The following NEGR1 variants were observed in gnomAD, a reference collection of about 807,000 sequenced individuals.
NEGR1 encodes neuronal growth regulator 1.
In NEGR1, 10 loss-of-function variants were observed where a neutral mutation model predicts 40.9. The ratio of observed to expected loss-of-function variants is 0.24; its 90% CI spans 0.15 to 0.42. The LOEUF (loss-of-function observed/expected upper bound fraction) is 0.42, where lower values mean the gene tolerates loss of function less well. Among genes scored for constraint, NEGR1 ranks in the 10% least tolerant of loss-of-function variants. The pLI is 1.00. For missense variants in NEGR1, 352 were observed against 438.9 expected (o/e 0.80, Z 1.77); for synonymous variants, 185 against 166.8 (o/e 1.11, Z -0.84).
chr1:72,180,239 T>C (rs1193904873), intron 1 of NEGR1, among the ~76,000 whole-genome samples: 2 of 151,984 alleles, frequency 1.3e-5, no homozygotes, highest in Non-Finnish European at 2.9e-5. Context: ...GATAGTTAAC[T>C]AATTATTGAG....
intron 3 of NEGR1, among the ~76,000 whole-genome samples, chr1:71,752,416 C>T (rs1655600195): frequency 6.6e-6 from 1 of 152,012 alleles, no homozygotes; most frequent in South Asian, 2.1e-4. Context: ...TTGTTGACTC[C>T]TGATCTAGAG....
intron 6 of NEGR1, among the ~76,000 whole-genome samples, chr1:71,442,998 G>A (rs144041520): frequency 1.3e-5 from 2 of 152,330 alleles, no homozygotes; most frequent in Non-Finnish European, 2.9e-5. Context: ...CAGTGGTGGA[G>A]GATAAGTGGA....
intron 3 of NEGR1, among the ~76,000 whole-genome samples, chr1:71,746,338 G>C (rs1251126684): frequency 6.6e-6 from 1 of 152,198 alleles, no homozygotes; most frequent in Non-Finnish European, 1.5e-5. Context: ...AGAGGCAAGA[G>C]TTCAAGATTA....
At chr1:71,563,482 A>G (rs1022337639) in intron 6 of NEGR1, among the ~76,000 whole-genome samples, 1 of 152,006 alleles carries the variant, frequency 6.6e-6, no homozygotes, top group African/African-American at 2.4e-5. Flanking sequence ...GGATAATTCA[A>G]AATATGCTCC....
intron 4 of NEGR1, among the ~76,000 whole-genome samples, chr1:71,611,530 G>C (rs1288541269): frequency 6.6e-6 from 1 of 152,016 alleles, no homozygotes; most frequent in Non-Finnish European, 1.5e-5. Context: ...TTACATTCTC[G>C]ATTTCCTCAC....
At chr1:72,229,672 G>A (rs2100496067) in intron 1 of NEGR1, among the ~76,000 whole-genome samples, 1 of 151,440 alleles carries the variant, frequency 6.6e-6, no homozygotes, top group East Asian at 1.9e-4. Flanking sequence ...TTTTTGGTAA[G>A]TTGATTTATA....
chr1:71,495,771 TAAGA>T (rs1646959071), intron 6 of NEGR1, among the ~76,000 whole-genome samples: 1 of 152,084 alleles, frequency 6.6e-6, no homozygotes, highest in Admixed American at 6.5e-5. Context: ...TGAAAAAGTA[TAAGA>T]AAGAGAGGAT....
intron 4 of NEGR1, among the ~76,000 whole-genome samples, chr1:71,662,937 A>G (rs2101592210): frequency 6.6e-6 from 1 of 151,516 alleles, no homozygotes; most frequent in Non-Finnish European, 1.5e-5. Flanking sequence ...TACTTCTACC[A>G]GTTTTGTTTT....
chr1:72,229,023 T>C (rs779796416), intron 1 of NEGR1, among the ~76,000 whole-genome samples: 1 of 151,994 alleles, frequency 6.6e-6, no homozygotes, highest in Non-Finnish European at 1.5e-5. Context: ...GTTCCATGCC[T>C]CTCTCTCTCA....
In NEGR1 at chr1:71,407,137, C is replaced by A. The variant is rs1333350728; in HGVS notation, c.*309G>T. 5.1e-6 allele frequency: 1 copy of A among 196,806 alleles called. No homozygotes were observed. The highest frequency in any genetic ancestry group is 1.0e-5 in the Non-Finnish European group (1 of 96,584). 12.2% of individuals were successfully genotyped at this position (196,806 alleles called of 1,614,324 possible). Reference sequence around the variant, plus strand: ...AACTACAGCCTGCAACCTAGCAGACCATGACTGAATGCTTTTGAAAAGTTG... The same window carrying A: ...AACTACAGCCTGCAACCTAGCAGACAATGACTGAATGCTTTTGAAAAGTTG... On this transcript the variant is annotated 3_prime_UTR_variant, in exon 7 of 7. Coordinates refer to ENST00000357731, the MANE Select transcript of NEGR1 (RefSeq NM_173808.3).
In NEGR1 at chr1:71,935,305, A is replaced by G. The variant is rs758785557; in HGVS notation, c.183T>C (p.Tyr61=). The change falls in exon 2 of 7, where the codon TAT becomes TAC. Residue 61 remains tyrosine (Y), a synonymous_variant. Coordinates refer to ENST00000357731, the MANE Select transcript of NEGR1 (RefSeq NM_173808.3). ...RKGDTAVLRC[Y]LEDGASKGAW... is the part of the protein sequence containing the mutation. The stretch of plus-strand genomic sequence containing the variant: ...CACCCTTTGAAGCTCCATCTTCCAA[A>G]TAACACCTACAAATTACAAGAGATA... 3.1e-6 allele frequency: 5 copies of G among 1,601,988 alleles called. No individual in the cohort carries two copies. In the South Asian group the frequency reaches 4.4e-5, roughly 14 times the overall value.
intron 1 of NEGR1, among the ~76,000 whole-genome samples, chr1:71,966,648 A>T (rs1646212009): frequency 6.6e-6 from 1 of 152,194 alleles, no homozygotes. Context: ...TAAAGAGTGA[A>T]GTGCATAGAA....
chr1:71,946,392 C>A (rs1646019283), intron 1 of NEGR1, among the ~76,000 whole-genome samples: 1 of 152,008 alleles, frequency 6.6e-6, no homozygotes, highest in Non-Finnish European at 1.5e-5. Flanking sequence ...CTAAAATTTT[C>A]ATCATAATCC....
intron 1 of NEGR1, among the ~76,000 whole-genome samples, chr1:72,240,586 CT>C (rs1654700086): frequency 6.6e-6 from 1 of 151,842 alleles, no homozygotes; most frequent in Non-Finnish European, 1.5e-5. Context: ...AAAACAATGG[CT>C]ACCAAGAGGT....
intron 1 of NEGR1, among the ~76,000 whole-genome samples, chr1:71,942,475 A>ATC (rs1645971291): frequency 7.2e-5 from 1 of 13,956 alleles, no homozygotes; most frequent in Admixed American, 9.5e-4. Context: ...ATATATATAT[A>ATC]TATATATATT....
At chr1:72,168,011 T>TATTA (rs1557559898) in intron 1 of NEGR1, among the ~76,000 whole-genome samples, 2 of 116,940 alleles carry the variant, frequency 1.7e-5, no homozygotes, top group African/African-American at 6.2e-5. Context: ...TATTATTTTT[T>TATTA]TTTTTTTTTC....
At chr1:71,895,623 G>A (rs1267632773) in intron 2 of NEGR1, among the ~76,000 whole-genome samples, 1 of 152,006 alleles carries the variant, frequency 6.6e-6, no homozygotes, top group African/African-American at 2.4e-5. Context: ...TAACATATCA[G>A]TACATTATTT....
At chr1:72,135,375 C>CAAAAAA (rs71074819) in intron 1 of NEGR1, among the ~76,000 whole-genome samples, 50 of 71,336 alleles carry the variant, frequency 7.0e-4, no homozygotes, top group Non-Finnish European at 8.8e-4. Flanking sequence ...GACTCCGTCT[C>CAAAAAA]AAAAAAAAAA....
At chr1:72,239,054 C>G (rs1241734078) in intron 1 of NEGR1, among the ~76,000 whole-genome samples, 2 of 151,912 alleles carry the variant, frequency 1.3e-5, no homozygotes, top group African/African-American at 2.4e-5. Flanking sequence ...TGAGAGATAT[C>G]TTACTTCACA....
Sources: allele counts gnomAD v4.1 joint callset (sites outside exome capture counted in the v4.1 genomes callset), GRCh38; gene constraint gnomAD v4.1.1; transcripts MANE v1.5; gene names NCBI Gene and HGNC (gene_info 2026-07-23, HGNC 2026-07-21).